The following FGD4 variants were observed in gnomAD, a reference collection of about 807,000 sequenced individuals.
FGD4 encodes FYVE, RhoGEF and PH domain containing 4.
Under a neutral mutation model 102.0 loss-of-function variants are expected in FGD4, and 42 were observed. The ratio of observed to expected loss-of-function variants is 0.41; its 90% CI spans 0.32 to 0.53. The LOEUF (loss-of-function observed/expected upper bound fraction) is 0.53, where lower values mean the gene tolerates loss of function less well. Ranked by LOEUF, FGD4 falls within the 20% of genes least tolerant of loss-of-function variation. The pLI, the probability that FGD4 is intolerant of heterozygous loss-of-function variation, is 0.21. For synonymous variants in FGD4, 380 were observed against 375.7 expected, an observed-to-expected ratio of 1.01 and a Z score of -0.13; for missense variants, 902 against 1,078.2, an observed-to-expected ratio of 0.84 and a Z score of 2.29.
intron 1 of FGD4, among the ~76,000 whole-genome samples, chr12:32,524,390 T>C (rs1436120196): frequency 5.2e-5 from 6 of 116,160 alleles, no homozygotes; most frequent in Admixed American, 4.0e-4. Context: ...AGGGAGACTC[T>C]GTCTCAAAAA....
chr12:32,445,113 A>G (rs556656114), intron 1 of FGD4, among the ~76,000 whole-genome samples: 1 of 152,270 alleles, frequency 6.6e-6, no homozygotes, highest in East Asian at 1.9e-4. Flanking sequence ...GAGACAAATG[A>G]AGTGTGAAGG....
chr12:32,421,568 A>ATATCCCATT (rs906466727), intron 1 of FGD4, among the ~76,000 whole-genome samples: 1 of 152,094 alleles, frequency 6.6e-6, no homozygotes, highest in African/African-American at 2.4e-5. Context: ...TTTCTCTATC[A>ATATCCCATT]TATCCCATTT....
Position 32,586,507 on chromosome 12 carries a change from A to G in FGD4, c.1011+4040A>G, listed in dbSNP as rs375186461. Among the ~76,000 whole-genome samples, 10 of 152,224 alleles carry G rather than the reference A, an allele frequency of 6.6e-5. No homozygotes were observed. In the East Asian group the frequency reaches 7.7e-4, roughly 12 times the overall value. ...TCCCCCATATGAATTCAAACTTTCC[A>G]TAAGCCTAATATTATCTGGCCTCAG... is the stretch of plus-strand genomic sequence containing the variant. On this transcript the variant is annotated intron_variant, in intron 4 of 16. Transcript: ENST00000534526.
At chr12:32,566,285 TCCTCATGACCTACTCA>T in intron 2 of FGD4, among the ~76,000 whole-genome samples, 1 of 152,258 alleles carries the variant, frequency 6.6e-6, no homozygotes, top group South Asian at 2.1e-4. Flanking sequence ...GAGAGCTCAG[TCCTCATGACCTACTCA>T]CCTCCCAAAG....
At chr12:32,496,687 T>C (rs2136601302) in intron 1 of FGD4, among the ~76,000 whole-genome samples, 1 of 152,340 alleles carries the variant, frequency 6.6e-6, no homozygotes, top group Non-Finnish European at 1.5e-5. Context: ...ACATATGTCC[T>C]TGTAGAGTCT....
At chr12:32,441,343 C>G (rs1019877805) in intron 1 of FGD4, among the ~76,000 whole-genome samples, 1 of 152,050 alleles carries the variant, frequency 6.6e-6, no homozygotes, top group Non-Finnish European at 1.5e-5. Flanking sequence ...CGTCTAAAGT[C>G]TCTTCACTTT....
chr12:32,536,609 C>T (rs1942284287), intron 1 of FGD4, among the ~76,000 whole-genome samples: 2 of 152,224 alleles, frequency 1.3e-5, no homozygotes, highest in South Asian at 4.1e-4. Context: ...CTGCTAAGCT[C>T]TGGCTAGAAC....
At chr12:32,621,038 G>A (rs1190428150) in intron 11 of FGD4, among the ~76,000 whole-genome samples, 2 of 152,008 alleles carry the variant, frequency 1.3e-5, no homozygotes, top group Non-Finnish European at 2.9e-5. Flanking sequence ...ATGAACCCCT[G>A]GAATACAGAG....
At chr12:32,433,057 C>CG (rs1942108903) in intron 1 of FGD4, among the ~76,000 whole-genome samples, 1 of 151,850 alleles carries the variant, frequency 6.6e-6, no homozygotes, top group Admixed American at 6.6e-5. Flanking sequence ...AGTACAGTGG[C>CG]ACAATCTTAC....
At chr12:32,555,906 A>ACTGTACAGGTGGTGATTGCAGTACAG (rs1944070671) in intron 1 of FGD4, among the ~76,000 whole-genome samples, 2 of 151,914 alleles carry the variant, frequency 1.3e-5, no homozygotes, top group South Asian at 4.2e-4. Context: ...GCTGGAGCAC[A>ACTGTACAGGTGGTGATTGCAGTACAG]GTGGTGCAAT....
intron 3 of FGD4, among the ~76,000 whole-genome samples, chr12:32,578,268 G>T (rs1040470953): frequency 6.6e-6 from 1 of 152,220 alleles, no homozygotes; most frequent in East Asian, 1.9e-4. Context: ...TTCTCAGTGA[G>T]GTATTACCAC....
At chr12:32,447,525 C>T (rs1414989376) in intron 1 of FGD4, among the ~76,000 whole-genome samples, 1 of 152,142 alleles carries the variant, frequency 6.6e-6, no homozygotes, top group East Asian at 1.9e-4. Flanking sequence ...CTTAAGGTGA[C>T]ACAGTTATAA....
intron 1 of FGD4, among the ~76,000 whole-genome samples, chr12:32,432,451 A>G (rs888614612): frequency 1.2e-4 from 18 of 151,818 alleles, no homozygotes; most frequent in African/African-American, 3.9e-4. Flanking sequence ...CCCCATTTCT[A>G]CTGAAAATAC....
chr12:32,461,852 G>A (rs780750762), intron 1 of FGD4, among the ~76,000 whole-genome samples: 13 of 151,144 alleles, frequency 8.6e-5, no homozygotes, highest in African/African-American at 2.4e-4. Flanking sequence ...TCAGCCTCCC[G>A]AGTAGCTGGG....
intron 1 of FGD4, among the ~76,000 whole-genome samples, chr12:32,445,675 A>T (rs1042456313): frequency 6.6e-6 from 1 of 152,230 alleles, no homozygotes; most frequent in Non-Finnish European, 1.5e-5. Flanking sequence ...TGTGGAATGA[A>T]GCATAATTCA....
At chr12:32,595,469 T>G (rs1947820409) in intron 4 of FGD4, among the ~76,000 whole-genome samples, 1 of 152,192 alleles carries the variant, frequency 6.6e-6, no homozygotes, top group South Asian at 2.1e-4. Context: ...GCCTGAAATG[T>G]CTTCCCATTG....
At chr12:32,583,316 G>T (rs970473517) in intron 4 of FGD4, among the ~76,000 whole-genome samples, 1 of 152,080 alleles carries the variant, frequency 6.6e-6, no homozygotes, top group African/African-American at 2.4e-5. Flanking sequence ...CAGCCAGGGT[G>T]ACAGAGCGAA....
At position 32,611,138 on chromosome 12, in the gene FGD4, A is replaced by T. The variant is rs781580259; in HGVS notation, c.1604A>T (p.Glu535Val). The change falls in exon 10 of 17, where the codon GAG becomes GTG. Residue 535 changes from glutamate to valine, a missense_variant and splice_region_variant. By Grantham distance (121) the Glu-to-Val change is moderately radical (BLOSUM62 -2). Around this residue, in one of 2 missense-constraint regions of FGD4, gnomAD observed 459 missense variants for 619.0 expected, o/e 0.74. Transcript: ENST00000534526. ...SHSNSAIRKM[E>V]NLKKLLEIYE... ...GATCTTGCTGTTTTAATTTCCTAGGAGAACCTAAAGAAACTCTTAGAGATT... is the reference window on the plus strand; with the variant it reads ...GATCTTGCTGTTTTAATTTCCTAGGTGAACCTAAAGAAACTCTTAGAGATT... 1 of 1,614,156 alleles carries T rather than the reference A, an allele frequency of 6.2e-7. No homozygotes were observed. Among genetic ancestry groups the T allele is most frequent in the South Asian group, 1.1e-5 (1 of 91,088 alleles).
intron 1 of FGD4, chr12:32,486,183 A>C: frequency 6.6e-7 from 1 of 1,516,438 alleles, no homozygotes; most frequent in Non-Finnish European, 8.8e-7. Context: ...GAAATATCTC[A>C]GGTTAAAACA....
Sources: gnomAD v4.1 joint callset for allele counts (sites outside exome capture counted in the v4.1 genomes callset) on GRCh38, gnomAD v4.1.1 for gene constraint, gnomAD v4.1.1 regional missense constraint, MANE v1.5 for transcripts, NCBI Gene and HGNC (gene_info 2026-07-23, HGNC 2026-07-21) for gene names.